The following DNAL4 variants were observed in gnomAD, a reference collection of about 807,000 sequenced individuals.
The protein encoded by DNAL4 is dynein light chain, outer arm 4.
In DNAL4, 10 loss-of-function variants were observed where a neutral mutation model predicts 12.6. That is an observed-to-expected ratio of 0.79 (90% CI 0.49 to 1.34). The LOEUF is 1.34. DNAL4 is among the 40% of genes most tolerant of loss of function. The pLI is 0.00. For missense variants in DNAL4, 128 were observed against 138.1 expected (o/e 0.93, Z 0.37); for synonymous variants, 46 against 53.1 (o/e 0.87, Z 0.58).
Position 38,782,696 on chromosome 22 carries a change from A to C in DNAL4, c.36T>G (p.Asp12Glu), listed in dbSNP as rs760482. ...GETEGKKDEA[D>E]YKRLQTFPLV... ...GAGGGAAGGTCTGCAGTCGCTTATA[A>C]TCAGCCTCATCTTTCTTCCCTTCTG... The change falls in exon 2 of 4, where the codon GAT becomes GAG. Residue 12 changes from aspartate (D) to glutamate (E), a missense_variant. Asp to Glu is a conservative substitution (Grantham distance 45, BLOSUM62 2). Transcript: ENST00000216068. The surrounding 1 kb of genome is among the most constrained non-coding windows in gnomAD (Gnocchi z 5.1). 6.2e-7 allele frequency: 1 copy of C among 1,612,910 alleles called. No individual in the cohort carries two copies.
rs553630594 is a variant in DNAL4, at chr22:38,787,249, T to C, written c.-139-4379A>G. Among the ~76,000 whole-genome samples, 869 of 151,776 alleles carry C rather than the reference T, an allele frequency of 5.7e-3. 8 individuals carry two copies. Among genetic ancestry groups the C allele is most frequent in the African/African-American group, 0.019 (794 of 41,378 alleles). On this transcript the variant is annotated intron_variant, in intron 1 of 3. Transcript: ENST00000216068. ...TTTTCTTTCTTTCTTTCTTTCTTTT[T>C]TTTTTTTTTGAGACAGCGTTTTGCT...
At chr22:38,786,537 C>T (rs1050016397) in intron 1 of DNAL4, among the ~76,000 whole-genome samples, 16 of 152,084 alleles carry the variant, frequency 1.1e-4, no homozygotes, top group African/African-American at 2.9e-4. Context: ...CCAGCCTGGG[C>T]GAAGAAGTGA....
Position 38,779,852 on chromosome 22 carries a change from C to T in DNAL4, c.154-239G>A, listed in dbSNP as rs1408839187. Reference sequence around the variant, plus strand: ...GCAGTCAAGAAGAAACTGGCTGAGGCGGGAAGGCAAGCATCAGGTCTGGAG... The same window carrying T: ...GCAGTCAAGAAGAAACTGGCTGAGGTGGGAAGGCAAGCATCAGGTCTGGAG... On this transcript the variant is annotated intron_variant, in intron 3 of 3. Transcript: ENST00000216068. This position sits in a 1 kb window ranked among gnomAD's most constrained non-coding sequence, Gnocchi z 4.3. Among the ~76,000 whole-genome samples the T allele has an allele frequency of 3.3e-5, 5 of 152,166 alleles. No individual in the cohort carries two copies. Among genetic ancestry groups the T allele is most frequent in the South Asian group, 2.1e-4 (1 of 4,834 alleles).
In DNAL4 at chr22:38,782,428, C is replaced by T. The variant is rs2093035647; in HGVS notation, c.69+235G>A. ...CCAGGCCTTCGCCTGTCTCGTTTACCATCCCCACAGTGCCTAGAACAGTGC... is the reference window on the plus strand; with the variant it reads ...CCAGGCCTTCGCCTGTCTCGTTTACTATCCCCACAGTGCCTAGAACAGTGC... On this transcript the variant is annotated intron_variant, in intron 2 of 3. Transcript: ENST00000216068. The surrounding 1 kb of genome is among the most constrained non-coding windows in gnomAD (Gnocchi z 5.1). 6.6e-6 allele frequency among the ~76,000 whole-genome samples: 1 copy of T among 152,198 alleles called. No homozygotes were observed. Among genetic ancestry groups the T allele is most frequent in the Admixed American group, 6.5e-5 (1 of 15,282 alleles).
In DNAL4 at chr22:38,780,332, G is replaced by T. The variant is rs561989883; in HGVS notation, c.153+594C>A. Among the ~76,000 whole-genome samples the T allele has an allele frequency of 3.9e-5, 6 of 152,316 alleles. No individual in the cohort carries two copies. In the East Asian group the frequency reaches 1.2e-3, roughly 29 times the overall value. Reference sequence around the variant, plus strand: ...CTCCATTTAAGGACTAGGAAACTGCGCTCAGAGTTGAGAAATGGCTCATTC... The same window carrying T: ...CTCCATTTAAGGACTAGGAAACTGCTCTCAGAGTTGAGAAATGGCTCATTC... On this transcript the variant is annotated intron_variant, in intron 3 of 3. Coordinates refer to ENST00000216068, the MANE Select transcript of DNAL4 (RefSeq NM_005740.3).
intron 1 of DNAL4, among the ~76,000 whole-genome samples, chr22:38,788,850 A>C (rs2093046303): frequency 6.6e-6 from 1 of 152,236 alleles, no homozygotes; most frequent in African/African-American, 2.4e-5. Flanking sequence ...GCTAATTACC[A>C]GTGACATCTC....
chr22:38,790,572 G>A (rs2093049026), intron 1 of DNAL4, among the ~76,000 whole-genome samples: 1 of 152,184 alleles, frequency 6.6e-6, no homozygotes, highest in Non-Finnish European at 1.5e-5. Flanking sequence ...TATCTAGTCA[G>A]GAGAAAGAAA....
chr22:38,792,870 G>A (rs1333891735), intron 1 of DNAL4, among the ~76,000 whole-genome samples: 4 of 152,168 alleles, frequency 2.6e-5, no homozygotes, highest in Non-Finnish European at 4.4e-5. Flanking sequence ...AACAATAAAA[G>A]TGTAGGATAG....
intron 1 of DNAL4, among the ~76,000 whole-genome samples, chr22:38,791,335 T>C (rs982563622): frequency 2.7e-4 from 41 of 152,008 alleles, no homozygotes; most frequent in African/African-American, 8.9e-4. Flanking sequence ...ACTATAACTT[T>C]ATTTTACTTT....
rs189946373 is a variant in DNAL4 at position 38,783,820 on chromosome 22, C to T, written c.-139-950G>A. Reference sequence around the variant, plus strand: ...TAAAGCTAAGACAGTGCCAAGCACACGGCAGGCACTCAGTACATGGCTGTT... The same window carrying T: ...TAAAGCTAAGACAGTGCCAAGCACATGGCAGGCACTCAGTACATGGCTGTT... On this transcript the variant is annotated intron_variant, in intron 1 of 3. Transcript: ENST00000216068. Among the ~76,000 whole-genome samples, 60 of 152,326 alleles carry T rather than the reference C, an allele frequency of 3.9e-4. No individual in the cohort carries two copies. In the East Asian group the frequency reaches 9.8e-3, roughly 25 times the overall value.
rs188707659 is a variant in DNAL4, at chr22:38,792,351, C to T, written c.-140+1717G>A. ...AGGCTTGAGCGCAATGGCGCTATCT[C>T]GGCGCACTGAAACCTCCACCTCCCG... On this transcript the variant is annotated intron_variant, in intron 1 of 3. Transcript: ENST00000216068. Among the ~76,000 whole-genome samples the T allele has an allele frequency of 2.7e-3, 412 of 150,886 alleles. 2 individuals carry two copies. Among genetic ancestry groups the T allele is most frequent in the African/African-American group, 9.0e-3 (368 of 41,032 alleles).
chr22:38,791,941 G>A (rs980437180), intron 1 of DNAL4, among the ~76,000 whole-genome samples: 3 of 151,208 alleles, frequency 2.0e-5, no homozygotes, highest in African/African-American at 7.3e-5. Flanking sequence ...CTGACCTCAA[G>A]TGATCCCTCT....
intron 1 of DNAL4, among the ~76,000 whole-genome samples, chr22:38,789,789 T>C (rs760664905): frequency 2.0e-5 from 3 of 152,080 alleles, no homozygotes; most frequent in Non-Finnish European, 4.4e-5. Flanking sequence ...AGGGGCAGCA[T>C]TTGAGTCAGG....
chr22:38,780,764 G>A, intron 3 of DNAL4, 162 bp downstream of exon 3: 1 of 684,182 alleles, frequency 1.5e-6, no homozygotes, highest in Non-Finnish European at 2.5e-6. Context: ...GTCAGCGCCA[G>A]CCTCTCACTC....
At position 38,779,323 on chromosome 22, in the gene DNAL4, TAC is replaced by T. The variant is rs1335013168; in HGVS notation, c.*124_*125del. 1 of 1,268,074 alleles carries T rather than the reference TAC, an allele frequency of 7.9e-7. No individual in the cohort carries two copies. Among genetic ancestry groups the T allele is most frequent in the Non-Finnish European group, 1.1e-6 (1 of 948,278 alleles). 78.6% of individuals were successfully genotyped at this position (1,268,074 alleles called of 1,614,324 possible). On this transcript the variant is annotated 3_prime_UTR_variant, in exon 4 of 4. Transcript: ENST00000216068. The surrounding 1 kb of genome is among the most constrained non-coding windows in gnomAD (Gnocchi z 4.3). ...CACTGGGCGTGGCTCAGGAAACTGG[TAC>T]ACAAAGACAAAAAGAAAAGACCCCA...
chr22:38,783,307 A>C (rs1251807836), intron 1 of DNAL4, among the ~76,000 whole-genome samples: 3 of 144,618 alleles, frequency 2.1e-5, no homozygotes, highest in Non-Finnish European at 4.5e-5. Context: ...CTCCCACTAC[A>C]CACACGGGCC....
chr22:38,780,906 G>A lies in DNAL4; in HGVS notation c.153+20C>T, dbSNP rs199589239. On this transcript the variant is annotated intron_variant, in intron 3 of 3. Transcript: ENST00000216068. ...GGGGCCATCAAAAGCACGAGGGGCC[G>A]CCTGCACTGCTGGCAATACCTCGTT... 2,503 of 1,613,862 alleles carry A rather than the reference G, an allele frequency of 1.6e-3. 6 individuals carry two copies. Among genetic ancestry groups the A allele is most frequent in the Non-Finnish European group, 1.9e-3 (2,241 of 1,179,760 alleles).
intron 2 of DNAL4, 141 bp from the exon 3 acceptor site, chr22:38,781,150 C>T: frequency 1.2e-6 from 1 of 831,026 alleles, no homozygotes; most frequent in Non-Finnish European, 1.9e-6. Flanking sequence ...GACCCATCTC[C>T]TGACTGAGGG....
At chr22:38,784,574 G>T (rs1046709626) in intron 1 of DNAL4, among the ~76,000 whole-genome samples, 3 of 148,668 alleles carry the variant, frequency 2.0e-5, no homozygotes, top group Non-Finnish European at 3.0e-5. Flanking sequence ...GCAGTGGCAC[G>T]ATGTCAGCTC....
Sources: gnomAD v4.1 joint callset for allele counts (sites outside exome capture counted in the v4.1 genomes callset) on GRCh38, gnomAD v4.1.1 for gene constraint, Gnocchi (gnomAD v3.1) non-coding constraint, MANE v1.5 for transcripts, NCBI Gene and HGNC (gene_info 2026-07-23, HGNC 2026-07-21) for gene names.